Variants in HMGCLL1 observed in about 807,000 individuals in gnomAD.
HMGCLL1 encodes the protein 3-hydroxymethyl-3-methylglutaryl-CoA lyase, cytoplasmic.
HMGCLL1 carries 36 observed loss-of-function variants against 39.1 expected under a neutral mutation model. That is an observed-to-expected ratio of 0.92 (90% CI 0.71 to 1.22). The LOEUF (loss-of-function observed/expected upper bound fraction) is 1.22. Among genes scored for constraint, HMGCLL1 ranks in the 50% most tolerant of loss-of-function variants. The pLI is 0.00. For synonymous variants in HMGCLL1, 149 were observed against 144.0 expected, an observed-to-expected ratio of 1.03 and a Z score of -0.25; for missense variants, 451 against 416.5, an observed-to-expected ratio of 1.08 and a Z score of -0.72.
At chr6:55,593,965 T>C in the HMGCLL1 span, among the ~76,000 whole-genome samples, 1 of 152,214 alleles carries the variant, frequency 6.6e-6, no homozygotes, top group African/African-American at 2.4e-5. Context: ...AAAGCTGTGC[T>C]GGTTATTACT....
chr6:55,588,572 GT>G, the HMGCLL1 span, among the ~76,000 whole-genome samples: 1 of 151,922 alleles, frequency 6.6e-6, no homozygotes, highest in Non-Finnish European at 1.5e-5. Context: ...AACTGAAGGA[GT>G]TAGAGACACA....
intron 1 of HMGCLL1, 53 bp from the exon 2 acceptor site, chr6:55,542,193 T>A: frequency 8.2e-7 from 1 of 1,223,406 alleles, no homozygotes; most frequent in Non-Finnish European, 1.2e-6. Flanking sequence ...TTGTTACATT[T>A]GCTTATTTGA....
the HMGCLL1 span, among the ~76,000 whole-genome samples, chr6:55,611,879 T>G: frequency 6.6e-6 from 1 of 152,136 alleles, no homozygotes; most frequent in African/African-American, 2.4e-5. Flanking sequence ...AAAGAATTCC[T>G]TTTGAAAACC....
the HMGCLL1 span, among the ~76,000 whole-genome samples, chr6:55,667,566 A>G: frequency 2.6e-5 from 4 of 151,814 alleles, no homozygotes; most frequent in Middle Eastern, 3.2e-3. Flanking sequence ...TGTACTCTAC[A>G]CATTAAGACA....
intron 7 of HMGCLL1, among the ~76,000 whole-genome samples, chr6:55,470,643 G>A (rs1323663480): frequency 6.6e-6 from 1 of 151,690 alleles, no homozygotes; most frequent in Admixed American, 6.6e-5. Flanking sequence ...TCACCATGCA[G>A]TTTAAGAAAT....
chr6:55,528,006 A>G (rs753716356), intron 3 of HMGCLL1, among the ~76,000 whole-genome samples: 23 of 152,106 alleles, frequency 1.5e-4, no homozygotes, highest in Non-Finnish European at 1.0e-4. Flanking sequence ...ACTTAAACTC[A>G]TGGACCTATA....
the HMGCLL1 span, among the ~76,000 whole-genome samples, chr6:55,669,257 G>C: frequency 8.2e-4 from 125 of 151,974 alleles, no homozygotes; most frequent in Non-Finnish European, 1.6e-4. Context: ...ACATGGAACA[G>C]TGAATGATGT....
intron 1 of HMGCLL1, among the ~76,000 whole-genome samples, chr6:55,558,826 C>T (rs1465824121): frequency 6.6e-6 from 1 of 152,196 alleles, no homozygotes; most frequent in Non-Finnish European, 1.5e-5. Flanking sequence ...AATTTTCCTT[C>T]TATCCCTTAA....
chr6:55,563,541 C>T (rs916799183), intron 1 of HMGCLL1, among the ~76,000 whole-genome samples: 1 of 152,124 alleles, frequency 6.6e-6, no homozygotes, highest in East Asian at 1.9e-4. Flanking sequence ...ATAATTCAGC[C>T]TATTTTAAAT....
chr6:55,499,691 G>A (rs559698281), intron 5 of HMGCLL1, among the ~76,000 whole-genome samples: 1 of 152,112 alleles, frequency 6.6e-6, no homozygotes, highest in South Asian at 2.1e-4. Flanking sequence ...AGGAGATCAT[G>A]TAGTAAACTA....
At chr6:55,560,297 C>G (rs1435405166) in intron 1 of HMGCLL1, among the ~76,000 whole-genome samples, 1 of 152,114 alleles carries the variant, frequency 6.6e-6, no homozygotes, top group Non-Finnish European at 1.5e-5. Flanking sequence ...GGTGTAATAG[C>G]AGGATGTCTT....
intron 1 of HMGCLL1, among the ~76,000 whole-genome samples, chr6:55,573,189 A>G (rs547567354): frequency 2.0e-5 from 3 of 152,216 alleles, no homozygotes; most frequent in Non-Finnish European, 2.9e-5. Flanking sequence ...ACCTCATATC[A>G]GGTAAGCACT....
At chr6:55,531,254 A>C (rs1746119505) in intron 3 of HMGCLL1, among the ~76,000 whole-genome samples, 1 of 152,208 alleles carries the variant, frequency 6.6e-6, no homozygotes, top group South Asian at 2.1e-4. Context: ...CAATGAAATG[A>C]GTTTGCACTA....
chr6:55,656,887 G>A, the HMGCLL1 span, among the ~76,000 whole-genome samples: 2 of 151,888 alleles, frequency 1.3e-5, no homozygotes, highest in Admixed American at 1.3e-4. Flanking sequence ...GCAAAAATCT[G>A]GGTAAAGAAA....
At chr6:55,507,841 A>T (rs187741162) in intron 5 of HMGCLL1, among the ~76,000 whole-genome samples, 23 of 151,962 alleles carry the variant, frequency 1.5e-4, no homozygotes, top group Middle Eastern at 3.4e-3. Flanking sequence ...GAAAACAATT[A>T]AAAAAAGCAT....
At chr6:55,654,152 TAAGA>T in the HMGCLL1 span, among the ~76,000 whole-genome samples, 1 of 151,832 alleles carries the variant, frequency 6.6e-6, no homozygotes. Context: ...AAAGCCTACC[TAAGA>T]AAGTACTGAT....
intron 1 of HMGCLL1, among the ~76,000 whole-genome samples, chr6:55,554,794 T>C (rs532609896): frequency 2.6e-5 from 4 of 152,172 alleles, no homozygotes; most frequent in Non-Finnish European, 5.9e-5. Context: ...TCCATTCCTC[T>C]ACATTCTGTT....
In HMGCLL1 at chr6:55,519,068, TGAA is replaced by T. The variant is rs553877354; in HGVS notation, c.298-2468_298-2466del. Among the ~76,000 whole-genome samples the T allele has an allele frequency of 1.9e-3, 284 of 152,256 alleles. 2 individuals carry two copies. Among genetic ancestry groups the T allele is most frequent in the African/African-American group, 6.6e-3 (276 of 41,562 alleles). On this transcript the variant is annotated intron_variant, in intron 3 of 8. Transcript: ENST00000274901. ...GAACAATTGGGGATAAGCTTATAAA[TGAA>T]GAGGAAATCACACACTGTGATGTGT...
upstream of HMGCLL1, among the ~76,000 whole-genome samples, chr6:55,581,852 G>A (rs1410203686): frequency 6.6e-6 from 1 of 151,656 alleles, no homozygotes; most frequent in Non-Finnish European, 1.5e-5. Context: ...AAGAAGATAC[G>A]AACATTCACC....
Sources: gnomAD v4.1 joint callset for allele counts (sites outside exome capture counted in the v4.1 genomes callset) on GRCh38, gnomAD v4.1.1 for gene constraint, MANE v1.5 for transcripts, NCBI Gene and HGNC (gene_info 2026-07-23, HGNC 2026-07-21) for gene names.